ATP6V0A4: variants seen among roughly 807,000 people sequenced by gnomAD.
The protein encoded by ATP6V0A4 is ATPase H+ transporting V0 subunit a4.
ATP6V0A4 carries 86 observed loss-of-function variants against 107.3 expected under a neutral mutation model. That is an observed-to-expected ratio of 0.80 (90% CI 0.67 to 0.96). The LOEUF (loss-of-function observed/expected upper bound fraction) is 0.96, where lower values mean the gene tolerates loss of function less well. Ranked by LOEUF, ATP6V0A4 falls within the 40% of genes least tolerant of loss-of-function variation. The pLI is 0.00. For synonymous variants in ATP6V0A4, 353 were observed against 381.4 expected, an observed-to-expected ratio of 0.93 and a Z score of 0.87; for missense variants, 908 against 1,045.6, an observed-to-expected ratio of 0.87 and a Z score of 1.81.
At chr7:138,778,298 T>C (rs1360986141) in intron 2 of ATP6V0A4, among the ~76,000 whole-genome samples, 4 of 59,640 alleles carry the variant, frequency 6.7e-5, no homozygotes, top group Non-Finnish European at 1.2e-4. Flanking sequence ...ATCGCAAAGG[T>C]TGCAGTGAGC....
chr7:138,747,403 A>G (rs1025249426), intron 13 of ATP6V0A4, 22 bp downstream of exon 13: 14 of 1,612,476 alleles, frequency 8.7e-6, no homozygotes, highest in Admixed American at 5.0e-5. Flanking sequence ...GAATCAGGGC[A>G]AGACGGTCAA....
intron 19 of ATP6V0A4, among the ~76,000 whole-genome samples, chr7:138,717,535 C>T (rs1487377915): frequency 6.7e-6 from 1 of 148,714 alleles, no homozygotes; most frequent in African/African-American, 2.6e-5. Context: ...CAGAGTGAGA[C>T]TCTGTCTAAA....
At chr7:138,784,156 T>C (rs1295293385) in intron 2 of ATP6V0A4, among the ~76,000 whole-genome samples, 1 of 150,164 alleles carries the variant, frequency 6.7e-6, no homozygotes, top group Non-Finnish European at 1.5e-5. Context: ...ATTTCTCTAA[T>C]TATTTGTGCC....
intron 2 of ATP6V0A4, 71 bp from the exon 3 acceptor site, chr7:138,771,335 T>C: frequency 6.5e-7 from 1 of 1,527,430 alleles, no homozygotes; most frequent in Non-Finnish European, 8.9e-7. Flanking sequence ...GGTGAAATTT[T>C]TAAGTTAAAT....
intron 21 of ATP6V0A4, 91 bp from the exon 22 acceptor site, chr7:138,706,808 C>G: frequency 6.4e-7 from 1 of 1,564,358 alleles, no homozygotes; most frequent in South Asian, 1.1e-5. Flanking sequence ...GGAAGCAGAG[C>G]GTTCGTAAAA....
At chr7:138,745,053 C>T in intron 14 of ATP6V0A4, 70 bp downstream of exon 14, 2 of 1,422,094 alleles carry the variant, frequency 1.4e-6, no homozygotes, top group Non-Finnish European at 2.0e-6. Flanking sequence ...TAGACTCCCC[C>T]AACCATGAAA....
intron 2 of ATP6V0A4, among the ~76,000 whole-genome samples, chr7:138,778,374 A>G (rs1807766785): frequency 6.6e-6 from 1 of 151,964 alleles, no homozygotes; most frequent in Non-Finnish European, 1.5e-5. Context: ...CAAAAAAAAA[A>G]TCATGCATGA....
At chr7:138,711,155 T>A (rs1397426813) in intron 20 of ATP6V0A4, among the ~76,000 whole-genome samples, 1 of 151,286 alleles carries the variant, frequency 6.6e-6, no homozygotes, top group Non-Finnish European at 1.5e-5. Context: ...TTTCTACACA[T>A]TTCTTACATG....
chr7:138,737,905 G>A lies in ATP6V0A4; in HGVS notation c.1572+1635C>T, dbSNP rs551347642. On this transcript the variant is annotated intron_variant, in intron 15 of 21. Coordinates refer to ENST00000310018, the MANE Select transcript of ATP6V0A4 (RefSeq NM_020632.3). ...GCCTCCCAAGTAGCTGGGACTACTG[G>A]TGTGTGCCACCATGCCCAGCTAATT... 1.4e-4 allele frequency among the ~76,000 whole-genome samples: 22 copies of A among 152,012 alleles called. No individual in the cohort carries two copies. The East Asian group carries it at 3.1e-3, about 21-fold the overall frequency.
At chr7:138,778,006 A>G (rs773137077) in intron 2 of ATP6V0A4, among the ~76,000 whole-genome samples, 6 of 152,226 alleles carry the variant, frequency 3.9e-5, no homozygotes, top group Non-Finnish European at 8.8e-5. Flanking sequence ...ACTCAGGCAC[A>G]CAACACATAT....
At chr7:138,796,024 T>G (rs1330253017) in intron 1 of ATP6V0A4, among the ~76,000 whole-genome samples, 1 of 152,140 alleles carries the variant, frequency 6.6e-6, no homozygotes, top group Non-Finnish European at 1.5e-5. Flanking sequence ...TTGGAAATCT[T>G]GGGGATTCCA....
chr7:138,726,191 G>T (rs971962112), intron 18 of ATP6V0A4, among the ~76,000 whole-genome samples: 3 of 151,930 alleles, frequency 2.0e-5, no homozygotes, highest in Non-Finnish European at 4.4e-5. Context: ...GGGTTTCACC[G>T]TGTTAGCCAG....
At chr7:138,762,460 C>T (rs777699213) in intron 6 of ATP6V0A4, 26 bp from the exon 7 acceptor site, 3 of 1,613,644 alleles carry the variant, frequency 1.9e-6, no homozygotes, top group Non-Finnish European at 2.5e-6. Flanking sequence ...CTATGATTTT[C>T]ATTTAAATAT....
intron 13 of ATP6V0A4, among the ~76,000 whole-genome samples, chr7:138,745,513 C>A (rs970127109): frequency 6.6e-6 from 1 of 151,738 alleles, no homozygotes; most frequent in Non-Finnish European, 1.5e-5. Context: ...GAAACAAAAA[C>A]CATATAGGCA....
In ATP6V0A4 at chr7:138,734,196, G is replaced by A. The variant is rs1276962394; in HGVS notation, c.1631C>T (p.Ser544Leu). The A allele has an allele frequency of 1.9e-6, 3 of 1,613,712 alleles. No homozygotes were observed. Among genetic ancestry groups the A allele is most frequent in the Non-Finnish European group, 2.5e-6 (3 of 1,179,720 alleles). Residue 544 changes from serine (S) to leucine (L), a missense_variant, in exon 16 of 22, where the codon TCG becomes TTG. By Grantham distance (145) the Ser-to-Leu change is moderately radical. Coordinates refer to ENST00000310018, the MANE Select transcript of ATP6V0A4 (RefSeq NM_020632.3). ...CATCTGGACAATTCCCAGGATCACC[G>A]ACATCTTCATTTTATACGAGTTCAG... The part of the protein sequence containing the change: ...TFLNSYKMKM[S>L]VILGIVQMVF...
chr7:138,771,370 C>G lies in ATP6V0A4; in HGVS notation c.-17-106G>C, dbSNP rs552191746. The G allele has an allele frequency of 6.1e-6, 8 of 1,319,314 alleles. No individual in the cohort carries two copies. In the African/African-American group the frequency reaches 1.2e-4, roughly 20 times the overall value. 81.7% of individuals were successfully genotyped at this position (1,319,314 alleles called of 1,614,324 possible). A position where few individuals can be genotyped will look rare whatever the true frequency, so the allele number is the denominator to read the frequency against. On this transcript the variant is annotated intron_variant, in intron 2 of 21. Transcript: ENST00000310018. ...TTAAAATCTAACAGGGAAAAAAAATCCATTAGGAATCACTTCTGATTTTAG... is the reference window on the plus strand; with the variant it reads ...TTAAAATCTAACAGGGAAAAAAAATGCATTAGGAATCACTTCTGATTTTAG...
intron 1 of ATP6V0A4, among the ~76,000 whole-genome samples, chr7:138,788,930 T>C (rs1808279606): frequency 6.6e-6 from 1 of 152,208 alleles, no homozygotes; most frequent in African/African-American, 2.4e-5. Context: ...TCTTTACAAA[T>C]TACCCAGCCT....
intron 2 of ATP6V0A4, among the ~76,000 whole-genome samples, chr7:138,780,729 C>T (rs73166973): frequency 0.089 from 13,496 of 151,936 alleles, 704 homozygotes; most frequent in African/African-American, 0.15. Flanking sequence ...CATAGTGAGG[C>T]CTCATCTCTA....
In ATP6V0A4 at chr7:138,755,993, T is replaced by C. The variant is rs140120978; in HGVS notation, c.723-211A>G. 6.9e-4 allele frequency: 561 copies of C among 815,608 alleles called. 1 individual carries two copies. Among genetic ancestry groups the C allele is most frequent in the Middle Eastern group, 2.2e-3 (9 of 4,112 alleles). The allele number at this position is 815,608 out of a possible 1,614,324, so 50.5% of individuals were successfully genotyped here. A position where few individuals can be genotyped will look rare whatever the true frequency, so the allele number is the denominator to read the frequency against. ...GTGAATTGAGGCTGCAGTTCTGTTA[T>C]ATGAATGAGCTTCATTCAAACCATA... On this transcript the variant is annotated intron_variant, in intron 9 of 21. Coordinates refer to ENST00000310018, the MANE Select transcript of ATP6V0A4 (RefSeq NM_020632.3).
Sources: allele counts gnomAD v4.1 joint callset (sites outside exome capture counted in the v4.1 genomes callset), GRCh38; gene constraint gnomAD v4.1.1; transcripts MANE v1.5; gene names NCBI Gene and HGNC (gene_info 2026-07-23, HGNC 2026-07-21).